The following CMIP variants were observed in gnomAD, a reference collection of about 807,000 sequenced individuals.
The protein encoded by CMIP is C-Maf-inducing protein.
CMIP carries 13 observed loss-of-function variants against 97.3 expected under a neutral mutation model. The observed-to-expected ratio is 0.13, with a 90% CI of 0.09 to 0.21. The LOEUF (loss-of-function observed/expected upper bound fraction) is 0.21, where lower values mean the gene tolerates loss of function less well. Ranked by LOEUF, CMIP falls within the 10% of genes least tolerant of loss-of-function variation. CMIP has a pLI of 1.00. For synonymous variants in CMIP, 538 were observed against 436.3 expected, an observed-to-expected ratio of 1.23 and a Z score of -2.91; for missense variants, 847 against 1,024.9, an observed-to-expected ratio of 0.83 and a Z score of 2.37.
At chr16:81,539,894 A>G (rs1245151377) in intron 1 of CMIP, among the ~76,000 whole-genome samples, 4 of 152,170 alleles carry the variant, frequency 2.6e-5, no homozygotes, top group African/African-American at 9.7e-5. Flanking sequence ...CCAACTGTCC[A>G]TTGGTTGCTT....
intron 1 of CMIP, among the ~76,000 whole-genome samples, chr16:81,576,735 A>G (rs2091195794): frequency 6.6e-6 from 1 of 152,184 alleles, no homozygotes; most frequent in Non-Finnish European, 1.5e-5. Context: ...CACAGGGTCT[A>G]GAGTTAGGCA....
chr16:81,537,546 C>CAA (rs397695977), intron 1 of CMIP, among the ~76,000 whole-genome samples: 131 of 82,064 alleles, frequency 1.6e-3, no homozygotes, highest in African/African-American at 4.0e-3. Context: ...AAAAAAAAGA[C>CAA]AAAAAAAAAA....
intron 1 of CMIP, among the ~76,000 whole-genome samples, chr16:81,478,098 C>G (rs971438232): frequency 2.0e-5 from 3 of 152,232 alleles, no homozygotes; most frequent in Non-Finnish European, 2.9e-5. Flanking sequence ...CGCTAGCCAT[C>G]TCTGCCACTG....
intron 1 of CMIP, among the ~76,000 whole-genome samples, chr16:81,465,703 C>T (rs1256114923): frequency 1.3e-5 from 2 of 152,240 alleles, no homozygotes; most frequent in African/African-American, 4.8e-5. Flanking sequence ...GACCATTTCG[C>T]CTGTGGTGGT....
intron 1 of CMIP, among the ~76,000 whole-genome samples, chr16:81,506,349 C>T (rs1476974554): frequency 2.0e-5 from 3 of 152,168 alleles, no homozygotes; most frequent in African/African-American, 7.2e-5. Flanking sequence ...CTGACCTTCA[C>T]AAAGCCCTGC....
chr16:81,475,021 T>A (rs1227834367), intron 1 of CMIP, among the ~76,000 whole-genome samples: 2 of 152,204 alleles, frequency 1.3e-5, no homozygotes, highest in Non-Finnish European at 2.9e-5. Context: ...TAAGTGGCCC[T>A]CTTCACCGTG....
chr16:81,689,486 C>T (rs905570865), intron 10 of CMIP, among the ~76,000 whole-genome samples: 12 of 152,194 alleles, frequency 7.9e-5, no homozygotes, highest in Non-Finnish European at 1.6e-4. Flanking sequence ...ATATCCTTCG[C>T]CCACTTTTTG....
intron 1 of CMIP, among the ~76,000 whole-genome samples, chr16:81,605,317 G>T (rs1206600722): frequency 6.6e-6 from 1 of 152,186 alleles, no homozygotes; most frequent in African/African-American, 2.4e-5. Context: ...TCCTCTGAGG[G>T]GTGAGCGATG....
At chr16:81,472,951 T>A (rs1218174587) in intron 1 of CMIP, among the ~76,000 whole-genome samples, 1 of 152,180 alleles carries the variant, frequency 6.6e-6, no homozygotes, top group African/African-American at 2.4e-5. Flanking sequence ...CTGGTCTGTT[T>A]AACTGCTTGC....
intron 14 of CMIP, chr16:81,697,008 G>T: frequency 3.2e-6 from 1 of 312,084 alleles, no homozygotes; most frequent in East Asian, 7.2e-5. Context: ...TCATTGCCAT[G>T]GTTATGTTCC....
chr16:81,615,997 C>T (rs374210726), intron 2 of CMIP, among the ~76,000 whole-genome samples: 38 of 151,864 alleles, frequency 2.5e-4, no homozygotes, highest in Admixed American at 2.4e-3. Context: ...CTTTCCTTCT[C>T]GTCGCACTGG....
intron 1 of CMIP, among the ~76,000 whole-genome samples, chr16:81,516,591 C>T (rs1415342836): frequency 6.6e-6 from 1 of 152,206 alleles, no homozygotes; most frequent in Admixed American, 6.5e-5. Flanking sequence ...CTTCCCTGCC[C>T]TCCCAGCCTG....
chr16:81,500,256 G>GTCCTTCCTTCCGTCCGTCCTTCCT (rs2089573766), intron 1 of CMIP, among the ~76,000 whole-genome samples: 68 of 109,664 alleles, frequency 6.2e-4, no homozygotes, highest in African/African-American at 2.2e-3. Context: ...CCTTCCTTCC[G>GTCCTTCCTTCCGTCCGTCCTTCCT]TCCTTCCTTC....
intron 20 of CMIP, 77 bp downstream of exon 20, chr16:81,707,161 CAGA>C: frequency 8.4e-7 from 1 of 1,186,710 alleles, no homozygotes; most frequent in Non-Finnish European, 1.3e-6. Context: ...ATCTCCTGCA[CAGA>C]GCTCGTTCTC....
intron 1 of CMIP, among the ~76,000 whole-genome samples, chr16:81,446,874 C>T (rs1168094292): frequency 7.9e-6 from 1 of 127,208 alleles, no homozygotes; most frequent in Non-Finnish European, 1.6e-5. Context: ...AGCGTTGCAG[C>T]CCTCGAGGAC....
intron 10 of CMIP, among the ~76,000 whole-genome samples, chr16:81,686,626 G>A (rs1455394310): frequency 6.6e-6 from 1 of 152,144 alleles, no homozygotes; most frequent in Non-Finnish European, 1.5e-5. Context: ...GTCTGGCATC[G>A]GAGCCTTTCC....
chr16:81,513,908 G>A (rs1247136535), intron 1 of CMIP, among the ~76,000 whole-genome samples: 3 of 152,196 alleles, frequency 2.0e-5, no homozygotes, highest in Non-Finnish European at 4.4e-5. Context: ...CCTCAGCCTA[G>A]GTGGGGCATT....
intron 8 of CMIP, 104 bp downstream of exon 8, chr16:81,670,349 A>C: frequency 8.1e-7 from 1 of 1,234,358 alleles, no homozygotes; most frequent in South Asian, 1.4e-5. Flanking sequence ...TTAAATGAAG[A>C]CTCCCTCTAT....
In CMIP at chr16:81,675,549, C is replaced by G. The variant is rs552920948; in HGVS notation, c.1035-2726C>G. 5.3e-5 allele frequency among the ~76,000 whole-genome samples: 8 copies of G among 152,190 alleles called. No homozygotes were observed. The South Asian group carries it at 1.7e-3, about 32-fold the overall frequency. Reference sequence around the variant, plus strand: ...GTTTTTGTATCTACGGGTCCTTGAACCACTACTTCAGAATCACCTGGACTG... The same window carrying G: ...GTTTTTGTATCTACGGGTCCTTGAAGCACTACTTCAGAATCACCTGGACTG... On this transcript the variant is annotated intron_variant, in intron 9 of 20. Coordinates refer to ENST00000537098, the MANE Select transcript of CMIP (RefSeq NM_198390.3).
Sources: gnomAD v4.1 joint callset for allele counts (sites outside exome capture counted in the v4.1 genomes callset) on GRCh38, gnomAD v4.1.1 for gene constraint, MANE v1.5 for transcripts, NCBI Gene and HGNC (gene_info 2026-07-23, HGNC 2026-07-21) for gene names.